Variants in BABAM2 observed in about 807,000 individuals in gnomAD.
The protein encoded by BABAM2 is BRISC and BRCA1 A complex member 2.
Under a neutral mutation model 54.7 loss-of-function variants are expected in BABAM2, and 31 were observed. That is an observed-to-expected ratio of 0.57 (90% CI 0.43 to 0.77). The LOEUF is 0.77. Ranked by LOEUF, BABAM2 falls within the 30% of genes least tolerant of loss-of-function variation. The pLI, the probability that BABAM2 is intolerant of heterozygous loss-of-function variation, is 0.00. For synonymous variants in BABAM2, 167 were observed against 162.9 expected, an observed-to-expected ratio of 1.03 and a Z score of -0.19; for missense variants, 364 against 455.8, an observed-to-expected ratio of 0.80 and a Z score of 1.83.
At chr2:27,981,003 T>G (rs1671956222) in intron 3 of BABAM2, among the ~76,000 whole-genome samples, 1 of 152,074 alleles carries the variant, frequency 6.6e-6, no homozygotes, top group Non-Finnish European at 1.5e-5. Context: ...ATATCACATA[T>G]ACCCCATAAA....
intron 10 of BABAM2, among the ~76,000 whole-genome samples, chr2:28,289,009 G>GT (rs1175798432): frequency 1.4e-5 from 2 of 146,396 alleles, no homozygotes; most frequent in Admixed American, 6.8e-5. Context: ...GACCCTCTTA[G>GT]TTTTTTTAAC....
At chr2:28,167,732 A>G (rs925282307) in intron 7 of BABAM2, among the ~76,000 whole-genome samples, 2 of 133,314 alleles carry the variant, frequency 1.5e-5, no homozygotes, top group African/African-American at 5.4e-5. Flanking sequence ...AAATAAATAA[A>G]TAAATAACGC....
At chr2:28,289,355 C>A (rs955502053) in intron 10 of BABAM2, among the ~76,000 whole-genome samples, 2 of 152,166 alleles carry the variant, frequency 1.3e-5, no homozygotes, top group South Asian at 4.1e-4. Flanking sequence ...TAATGTCTTA[C>A]TTTTTTAAAC....
chr2:28,270,846 T>C (rs1685365173), intron 10 of BABAM2, among the ~76,000 whole-genome samples: 1 of 152,220 alleles, frequency 6.6e-6, no homozygotes, highest in Non-Finnish European at 1.5e-5. Flanking sequence ...TTAAACCAGT[T>C]CTCAAATGTC....
At chr2:28,060,311 A>T (rs1001863327) in intron 6 of BABAM2, among the ~76,000 whole-genome samples, 5 of 152,212 alleles carry the variant, frequency 3.3e-5, no homozygotes, top group African/African-American at 1.2e-4. Flanking sequence ...ATTCCTGATT[A>T]AAAAACTCTT....
At chr2:28,195,048 G>A (rs958661926) in intron 7 of BABAM2, among the ~76,000 whole-genome samples, 1 of 152,196 alleles carries the variant, frequency 6.6e-6, no homozygotes, top group Admixed American at 6.5e-5. Flanking sequence ...TTGTGCTCTA[G>A]CAAGAAGACC....
intron 3 of BABAM2, among the ~76,000 whole-genome samples, chr2:27,973,430 CTTTTT>C (rs879613609): frequency 1.4e-5 from 2 of 146,624 alleles, no homozygotes; most frequent in Non-Finnish European, 3.0e-5. Context: ...AGGATGTAAT[CTTTTT>C]TTTTTTTTTC....
chr2:28,073,120 C>T (rs1053396498), intron 6 of BABAM2, among the ~76,000 whole-genome samples: 2 of 152,212 alleles, frequency 1.3e-5, no homozygotes, highest in African/African-American at 4.8e-5. Context: ...TCCTCCCCTT[C>T]TCATCTTTTG....
At chr2:28,336,646 C>T (rs1370270175) in intron 11 of BABAM2, among the ~76,000 whole-genome samples, 4 of 152,208 alleles carry the variant, frequency 2.6e-5, no homozygotes, top group Non-Finnish European at 5.9e-5. Flanking sequence ...GAGGAGCTGA[C>T]GTTTCAGTGC....
intron 7 of BABAM2, among the ~76,000 whole-genome samples, chr2:28,205,666 T>G (rs990950248): frequency 1.3e-5 from 2 of 152,170 alleles, no homozygotes; most frequent in African/African-American, 4.8e-5. Flanking sequence ...GAAATTAATA[T>G]GGTCTTAAGT....
At chr2:27,889,170 T>A (rs775211083), upstream of BABAM2, among the ~76,000 whole-genome samples, 1 of 152,206 alleles carries the variant, frequency 6.6e-6, no homozygotes, top group African/African-American at 2.4e-5. Context: ...ACACAGCTTA[T>A]AAATATTTTA....
chr2:28,267,982 C>T (rs1443934350), intron 10 of BABAM2, among the ~76,000 whole-genome samples: 1 of 152,176 alleles, frequency 6.6e-6, no homozygotes, highest in African/African-American at 2.4e-5. Context: ...TATTATACAA[C>T]TGTGAAAATG....
intron 7 of BABAM2, among the ~76,000 whole-genome samples, chr2:28,138,885 T>G (rs1397200576): frequency 6.6e-6 from 1 of 152,192 alleles, no homozygotes; most frequent in Non-Finnish European, 1.5e-5. Flanking sequence ...CTTTGCTAGA[T>G]TAATCTCAAT....
In BABAM2 at chr2:28,159,989, G is replaced by A. The variant is rs1471722041; in HGVS notation, c.680+30609G>A. Among the ~76,000 whole-genome samples the A allele has an allele frequency of 6.6e-5, 10 of 152,112 alleles. No homozygotes were observed. The East Asian group carries it at 1.5e-3, about 24-fold the overall frequency. ...AAAATGATTGGGTTTTTGTTTGTTT[G>A]TTTGTTTGAAGAGAAAGAGTCTAAT... On this transcript the variant is annotated intron_variant, in intron 7 of 11. Transcript: ENST00000379624.
intron 11 of BABAM2, among the ~76,000 whole-genome samples, chr2:28,337,511 C>A (rs976441769): frequency 3.3e-5 from 5 of 152,124 alleles, no homozygotes; most frequent in African/African-American, 1.2e-4. Context: ...TGAGGTAGAA[C>A]GTGGCCCTGC....
At chr2:28,034,662 A>G (rs1676536190) in intron 5 of BABAM2, among the ~76,000 whole-genome samples, 1 of 152,160 alleles carries the variant, frequency 6.6e-6, no homozygotes, top group East Asian at 1.9e-4. Flanking sequence ...GTTCTGATGG[A>G]CTTCTGAGGA....
intron 7 of BABAM2, among the ~76,000 whole-genome samples, chr2:28,152,647 C>T (rs1183312639): frequency 6.6e-6 from 1 of 152,154 alleles, no homozygotes; most frequent in Non-Finnish European, 1.5e-5. Context: ...AATCATGCTA[C>T]TCCACCAACA....
chr2:28,299,231 TA>T (rs1208004389), intron 11 of BABAM2, among the ~76,000 whole-genome samples: 1 of 152,234 alleles, frequency 6.6e-6, no homozygotes, highest in Non-Finnish European at 1.5e-5. Flanking sequence ...CGAAGTTAGC[TA>T]AAGTTTGGAG....
chr2:28,213,175 C>G (rs550867614), intron 7 of BABAM2, among the ~76,000 whole-genome samples: 15 of 152,046 alleles, frequency 9.9e-5, no homozygotes, highest in African/African-American at 3.4e-4. Flanking sequence ...TGCTGTGAGC[C>G]CAGATCATGC....
Sources: allele counts gnomAD v4.1 joint callset (sites outside exome capture counted in the v4.1 genomes callset), GRCh38; gene constraint gnomAD v4.1.1; transcripts MANE v1.5; gene names NCBI Gene and HGNC (gene_info 2026-07-23, HGNC 2026-07-21).